The following DDX41 variants were observed in gnomAD, a reference collection of about 807,000 sequenced individuals.
The protein encoded by DDX41 is probable ATP-dependent RNA helicase DDX41.
In DDX41, 50 loss-of-function variants were observed where a neutral mutation model predicts 78.8. The ratio of observed to expected loss-of-function variants is 0.63; its 90% CI spans 0.51 to 0.80. The LOEUF (loss-of-function observed/expected upper bound fraction) is 0.80, where lower values mean the gene tolerates loss of function less well. Among genes scored for constraint, DDX41 ranks in the 30% least tolerant of loss-of-function variants. The probability of loss-of-function intolerance (pLI) is 0.00; values close to 1 mark genes in which losing one functional copy is unlikely to be tolerated. For missense variants in DDX41, 633 were observed against 849.2 expected, an observed-to-expected ratio of 0.75 and a Z score of 3.16; for synonymous variants, 381 against 321.5, an observed-to-expected ratio of 1.19 and a Z score of -1.98.
In DDX41 at chr5:177,515,928, C is replaced by A. The variant is rs1170971274; in HGVS notation, c.434+1G>T. On this transcript the variant is annotated splice_donor_variant, in intron 5 of 16. Coordinates refer to ENST00000330503, the MANE Select transcript of DDX41 (RefSeq NM_016222.4). LOFTEE classifies it high-confidence loss of function. ...GGCAACTGCAGACTGTACAGACATA[C>A]CTGGTTTTGATGGGGTCATCATACG... is the stretch of plus-strand genomic sequence containing the variant. 1.2e-6 allele frequency: 2 copies of A among 1,614,042 alleles called. No individual in the cohort carries two copies. Among genetic ancestry groups the A allele is most frequent in the African/African-American group, 2.7e-5 (2 of 74,892 alleles).
Position 177,512,824 on chromosome 5 carries a change from A to T in DDX41, c.1355T>A (p.Leu452Gln). The T allele has an allele frequency of 6.2e-7, 1 of 1,614,142 alleles. No individual in the cohort carries two copies. The highest frequency in any genetic ancestry group is 1.3e-5 in the African/African-American group (1 of 75,058). The change falls in exon 13 of 17, where the codon CTG becomes CAG. Residue 452 changes from leucine to glutamine, a missense_variant. By Grantham distance (113) the Leu-to-Gln change is moderately radical. This residue lies in a region of DDX41 where 185 missense variants were observed against 367.4 expected (regional missense o/e 0.50). Transcript: ENST00000330503. ...TACGGCCTCAACCCCCTTGAGCAGCAGGTACTCGTGGATGGCGTCCACGTC... is the reference window on the plus strand; with the variant it reads ...TACGGCCTCAACCCCCTTGAGCAGCTGGTACTCGTGGATGGCGTCCACGTC... ...KADVDAIHEY[L>Q]LLKGVEAVAI...
At position 177,512,881 on chromosome 5, in the gene DDX41, C is replaced by T; in HGVS notation, c.1303-5G>A. On this transcript the variant is annotated splice_region_variant and splice_polypyrimidine_tract_variant and intron_variant, in intron 12 of 16. Coordinates refer to ENST00000330503, the MANE Select transcript of DDX41 (RefSeq NM_016222.4). ...CTTCTCTGCAAAGATGAGTACCTGT[C>T]CGGAAAGACCAACTCCAGTCAGGGG... The T allele has an allele frequency of 1.2e-6, 2 of 1,613,624 alleles. No individual in the cohort carries two copies. Among genetic ancestry groups the T allele is most frequent in the Non-Finnish European group, 8.5e-7 (1 of 1,179,864 alleles).
chr5:177,512,506 A>G lies in DDX41; in HGVS notation c.1539T>C (p.Ile513=). 6.2e-7 allele frequency: 1 copy of G among 1,614,058 alleles called. No individual in the cohort carries two copies. Among genetic ancestry groups the G allele is most frequent in the Non-Finnish European group, 8.5e-7 (1 of 1,179,980 alleles). The change falls in exon 14 of 17, where the codon ATT becomes ATC. Residue 513 remains isoleucine (I), a synonymous_variant. Transcript: ENST00000330503. The part of the protein sequence containing the change: ...HVINYDMPEE[I]ENYVHRIGRT... Reference sequence around the variant, plus strand: ...GCCCCAGGCTCTTACCATAGTTCTCAATCTCCTCTGGCATGTCATAATTGA... The same window carrying G: ...GCCCCAGGCTCTTACCATAGTTCTCGATCTCCTCTGGCATGTCATAATTGA...
chr5:177,513,032 G>A lies in DDX41; in HGVS notation c.1281C>T (p.Cys427=), dbSNP rs1761050709. ...TCACAGGCGGGGGTGTCTTCTGCAG[G>A]CACTCGAGCAGGTACACCATCTTGG... ...EEAKMVYLLE[C]LQKTPPPVLI... The change falls in exon 12 of 17, where the codon TGC becomes TGT. Residue 427 remains cysteine (C), a synonymous_variant. Coordinates refer to ENST00000330503, the MANE Select transcript of DDX41 (RefSeq NM_016222.4). This position sits in a 1 kb window ranked among gnomAD's most constrained non-coding sequence, Gnocchi z 4.6. The A allele has an allele frequency of 1.2e-6, 2 of 1,613,800 alleles. No individual in the cohort carries two copies. Among genetic ancestry groups the A allele is most frequent in the South Asian group, 1.1e-5 (1 of 91,080 alleles).
Position 177,515,189 on chromosome 5 carries a change from G to A in DDX41, c.641C>T (p.Thr214Ile), listed in dbSNP as rs1299024433. 2 of 1,613,982 alleles carry A rather than the reference G, an allele frequency of 1.2e-6. No homozygotes were observed. The highest frequency in any genetic ancestry group is 1.1e-5 in the South Asian group (1 of 91,084). Residue 214 changes from threonine to isoleucine, a missense_variant, in exon 7 of 17, where the codon ACC becomes ATC. Around this residue, in one of 6 missense-constraint regions of DDX41, gnomAD observed 126 missense variants for 115.5 expected, o/e 1.09. Coordinates refer to ENST00000330503, the MANE Select transcript of DDX41 (RefSeq NM_016222.4). ...PTPIQIQGIP[T>I]ILSGRDMIGI... ...CAGGTCCACAGTCCACACTCACATG[G>A]TGGGGATGCCCTGGATCTGAATGGG...
At chr5:177,512,267 G>C (rs958857223) in intron 15 of DDX41, 55 bp downstream of exon 15, 7 of 1,613,670 alleles carry the variant, frequency 4.3e-6, no homozygotes, top group Non-Finnish European at 4.2e-6. Context: ...GAACCTGGGT[G>C]GCCACAGGCA....
In DDX41 at chr5:177,516,580, G is replaced by A. The variant is rs1761244819; in HGVS notation, c.139-133C>T. The A allele has an allele frequency of 3.6e-6, 5 of 1,394,962 alleles. No homozygotes were observed. The South Asian group carries it at 4.8e-5, about 13-fold the overall frequency. 86.4% of individuals were successfully genotyped at this position (1,394,962 alleles called of 1,614,324 possible). A position where few individuals can be genotyped will look rare whatever the true frequency, so the allele number is the denominator to read the frequency against. ...CCCTACCCCTCAGATCAAGCCGTCG[G>A]TCCCTCGTTTGTCTGGGGGCCGCGC... On this transcript the variant is annotated intron_variant, in intron 2 of 16. Coordinates refer to ENST00000330503, the MANE Select transcript of DDX41 (RefSeq NM_016222.4).
At chr5:177,512,448 T>C (rs1252219741) in intron 14 of DDX41, 48 bp downstream of exon 14, 2 of 1,614,084 alleles carry the variant, frequency 1.2e-6, no homozygotes, top group Admixed American at 3.3e-5. Flanking sequence ...GGGGCCTGGC[T>C]TGGCCCTTTT....
Position 177,513,970 on chromosome 5 carries a change from C to G in DDX41, c.936-123G>C, listed in dbSNP as rs1462210425. On this transcript the variant is annotated intron_variant, in intron 9 of 16. Transcript: ENST00000330503. The surrounding 1 kb of genome is among the most constrained non-coding windows in gnomAD (Gnocchi z 4.6). ...TTCCTATTTCTTTGTCTGTCCCCTT[C>G]TCATCATTCCCACCACCTGCCCTAT... The G allele has an allele frequency of 1.0e-6, 1 of 996,214 alleles. No individual in the cohort carries two copies. The highest frequency in any genetic ancestry group is 1.6e-5 in the African/African-American group (1 of 62,644). 61.7% of individuals were successfully genotyped at this position (996,214 alleles called of 1,614,324 possible).
chr5:177,516,228 C>T (rs776652279), intron 3 of DDX41, 35 bp from the exon 4 acceptor site: 13 of 1,614,014 alleles, frequency 8.1e-6, no homozygotes, highest in Non-Finnish European at 1.1e-5. Context: ...AGACAGATAC[C>T]AAAACGGTGT....
intron 4 of DDX41, 60 bp from the exon 5 acceptor site, chr5:177,516,049 G>A (rs1761215481): frequency 7.4e-6 from 12 of 1,613,874 alleles, no homozygotes; most frequent in Non-Finnish European, 9.3e-6. Context: ...GATCCCTTGA[G>A]ATATAACATG....
Position 177,513,473 on chromosome 5 carries a change from C to A in DDX41, c.1110G>T (p.Gln370His), listed in dbSNP as rs773047033. The A allele has an allele frequency of 6.2e-7, 1 of 1,614,068 alleles. No individual in the cohort carries two copies. The highest frequency in any genetic ancestry group is 1.3e-5 in the African/African-American group (1 of 74,938). The change falls in exon 11 of 17, where the codon CAG becomes CAT. Residue 370 changes from glutamine (Q) to histidine (H), a missense_variant. By Grantham distance (24) the Gln-to-His change is conservative. Around this residue, in one of 6 missense-constraint regions of DDX41, gnomAD observed 185 missense variants for 367.4 expected, o/e 0.50. Transcript: ENST00000330503. The surrounding 1 kb of genome is among the most constrained non-coding windows in gnomAD (Gnocchi z 4.6). ...TIFSYFKGQR[Q>H]TLLFSATMPK... ...GCATGGTGGCACTGAAGAGCAGGGT[C>A]TGTCGCTGGCCCTGAGGAAGAGGGG...
At chr5:177,512,729 A>C in intron 13 of DDX41, 51 bp downstream of exon 13, 1 of 1,613,256 alleles carries the variant, frequency 6.2e-7, no homozygotes, top group Non-Finnish European at 8.5e-7. Context: ...GGCATTAGGT[A>C]AAGCACTGCT....
In DDX41 at chr5:177,515,779, T is replaced by A; in HGVS notation, c.477A>T (p.Arg159=). 6.2e-7 allele frequency: 1 copy of A among 1,614,184 alleles called. No homozygotes were observed. Among genetic ancestry groups the A allele is most frequent in the Non-Finnish European group, 8.5e-7 (1 of 1,180,040 alleles). ...PRYVLSMSEE[R]HERVRKKYHI... The stretch of plus-strand genomic sequence containing the variant: ...GGTATTTCTTCCGCACGCGCTCATG[T>A]CGCTCTTCAGACATGCTCAGAACAT... Residue 159 remains arginine (R), a synonymous_variant, in exon 6 of 17, where the codon CGA becomes CGT. Coordinates refer to ENST00000330503, the MANE Select transcript of DDX41 (RefSeq NM_016222.4).
Position 177,513,035 on chromosome 5 carries a change from C to T in DDX41, c.1278G>A (p.Glu426=). The T allele has an allele frequency of 6.2e-7, 1 of 1,613,918 alleles. No individual in the cohort carries two copies. The highest frequency in any genetic ancestry group is 8.5e-7 in the Non-Finnish European group (1 of 1,179,912). The change falls in exon 12 of 17, where the codon GAG becomes GAA. Residue 426 remains glutamate, a synonymous_variant. Transcript: ENST00000330503. This position sits in a 1 kb window ranked among gnomAD's most constrained non-coding sequence, Gnocchi z 4.6. ...CAGGCGGGGGTGTCTTCTGCAGGCA[C>T]TCGAGCAGGTACACCATCTTGGCCT... is the stretch of plus-strand genomic sequence containing the variant. ...KEEAKMVYLL[E]CLQKTPPPVL...
Position 177,511,822 on chromosome 5 carries a change from TCC to T in DDX41, c.1836_1837del (p.Asp613LeufsTer?). The T allele has an allele frequency of 6.2e-7, 1 of 1,614,130 alleles. No individual in the cohort carries two copies. The highest frequency in any genetic ancestry group is 8.5e-7 in the Non-Finnish European group (1 of 1,180,014). ...GTCCATGGAGCTGTGGGCCAGGTAG[TCC>T]TTGCGACCGATGTTGCTGACCTGCT... is the stretch of plus-strand genomic sequence containing the variant. On this transcript the variant is annotated frameshift_variant, in exon 17 of 17. Coordinates refer to ENST00000330503, the MANE Select transcript of DDX41 (RefSeq NM_016222.4). LOFTEE classifies it high-confidence loss of function.
chr5:177,513,970 C>A lies in DDX41; in HGVS notation c.936-123G>T, dbSNP rs1462210425. Reference sequence around the variant, plus strand: ...TTCCTATTTCTTTGTCTGTCCCCTTCTCATCATTCCCACCACCTGCCCTAT... The same window carrying A: ...TTCCTATTTCTTTGTCTGTCCCCTTATCATCATTCCCACCACCTGCCCTAT... On this transcript the variant is annotated intron_variant, in intron 9 of 16. Coordinates refer to ENST00000330503, the MANE Select transcript of DDX41 (RefSeq NM_016222.4). This position sits in a 1 kb window ranked among gnomAD's most constrained non-coding sequence, Gnocchi z 4.6. 2.0e-6 allele frequency: 2 copies of A among 996,214 alleles called. No individual in the cohort carries two copies. Among genetic ancestry groups the A allele is most frequent in the South Asian group, 1.5e-5 (1 of 67,288 alleles). The allele number at this position is 996,214 out of a possible 1,614,324, so 61.7% of individuals were successfully genotyped here. A position where few individuals can be genotyped will look rare whatever the true frequency, so the allele number is the denominator to read the frequency against.
At chr5:177,516,695 C>G in intron 2 of DDX41, 30 bp downstream of exon 2, 1 of 1,561,114 alleles carries the variant, frequency 6.4e-7, no homozygotes, top group African/African-American at 1.4e-5. Flanking sequence ...CGGTCACGGC[C>G]CCATCCCTCC....
chr5:177,515,390 G>GAGAGA, intron 6 of DDX41, 132 bp from the exon 7 acceptor site: 2 of 993,924 alleles, frequency 2.0e-6, no homozygotes, highest in Non-Finnish European at 3.1e-6. Context: ...GAGAGAGAGT[G>GAGAGA]GAAAAAAAAA....
Sources: allele counts gnomAD v4.1 joint callset, GRCh38; gene constraint gnomAD v4.1.1; regional missense constraint gnomAD v4.1.1; non-coding constraint Gnocchi (gnomAD v3.1); transcripts MANE v1.5; gene names NCBI Gene and HGNC (gene_info 2026-07-23, HGNC 2026-07-21).